The following ZC3H14 variants were observed in gnomAD, a reference collection of about 807,000 sequenced individuals.
ZC3H14 encodes zinc finger CCCH domain-containing protein 14.
In ZC3H14, 31 loss-of-function variants were observed where a neutral mutation model predicts 92.4. The observed-to-expected ratio is 0.34, with a 90% CI of 0.25 to 0.45. The LOEUF is 0.45. ZC3H14 is among the 20% of genes least tolerant of loss of function. The pLI is 1.00. For synonymous variants in ZC3H14, 321 were observed against 300.9 expected (o/e 1.07, Z -0.69); for missense variants, 781 against 897.3 (o/e 0.87, Z 1.66).
chr14:88,600,148 C>A (rs1032792131), intron 10 of ZC3H14, among the ~76,000 whole-genome samples: 5 of 152,210 alleles, frequency 3.3e-5, no homozygotes, highest in Admixed American at 2.0e-4. Flanking sequence ...TGCTCTTTTT[C>A]TTTTGCTAAG....
chr14:88,571,955 T>A (rs1334334847), intron 4 of ZC3H14, 75 bp from the exon 5 acceptor site: 7 of 1,225,352 alleles, frequency 5.7e-6, no homozygotes, highest in Non-Finnish European at 7.7e-6. Flanking sequence ...AGAGCGAGAC[T>A]CCATCTCAAA....
chr14:88,607,326 G>A lies in ZC3H14; in HGVS notation c.1831G>A (p.Asp611Asn), dbSNP rs1228442760. The A allele has an allele frequency of 4.3e-6, 7 of 1,613,618 alleles. No individual in the cohort carries two copies. The highest frequency in any genetic ancestry group is 5.9e-6 in the Non-Finnish European group (7 of 1,179,882). Residue 611 changes from aspartate (D) to asparagine (N), a missense_variant, in exon 13 of 17, where the codon GAT (aspartate) becomes AAT (asparagine). Asp to Asn is a conservative substitution (Grantham distance 23, BLOSUM62 1). Coordinates refer to ENST00000251038, the MANE Select transcript of ZC3H14 (RefSeq NM_024824.5). The part of the protein sequence containing the change: ...CKYWPACKNG[D>N]ECAYHHPISP... Reference sequence around the variant, plus strand: ...GTACTGGCCTGCTTGTAAAAATGGGGATGAGTGTGCCTACCATCACCCCAT... The same window carrying A: ...GTACTGGCCTGCTTGTAAAAATGGGAATGAGTGTGCCTACCATCACCCCAT...
chr14:88,572,295 A>G (rs887850109), intron 5 of ZC3H14, 70 bp downstream of exon 5: 7 of 1,546,016 alleles, frequency 4.5e-6, no homozygotes, highest in South Asian at 1.2e-5. Context: ...TAGTTTTTAT[A>G]TCTTTCAGTT....
In ZC3H14 at chr14:88,594,880, GAAATT is replaced by G. The variant is rs773521338; in HGVS notation, c.1280-1850_1280-1846del. ...AAGGAAAATATCAGCTGATATCAAT[GAAATT>G]AAAGGAATGAAAGCAGCTATTTTGA... On this transcript the variant is annotated intron_variant, in intron 9 of 16. Transcript: ENST00000251038. 1.9e-5 allele frequency: 30 copies of G among 1,613,834 alleles called. No homozygotes were observed. The South Asian group carries it at 3.0e-4, about 16-fold the overall frequency.
chr14:88,567,421 C>CTTT (rs75032234), intron 2 of ZC3H14, among the ~76,000 whole-genome samples: 1 of 128,706 alleles, frequency 7.8e-6, no homozygotes. Context: ...GGCCTTTTTT[C>CTTT]TTTTTTTTTT....
intron 9 of ZC3H14, chr14:88,591,390 A>T (rs2083111502): frequency 6.6e-6 from 1 of 152,264 alleles, no homozygotes; most frequent in Non-Finnish European, 1.5e-5. Context: ...GTGAGCCAAG[A>T]TTGCGCCACT....
In ZC3H14 at chr14:88,602,819, G is replaced by A. The variant is rs375681514; in HGVS notation, c.1515-9G>A. 25 of 1,613,640 alleles carry A rather than the reference G, an allele frequency of 1.5e-5. No individual in the cohort carries two copies. The highest frequency in any genetic ancestry group is 2.0e-5 in the Non-Finnish European group (24 of 1,179,794). The stretch of plus-strand genomic sequence containing the variant: ...CCTAATTCTATGGTATTTTTTATCT[G>A]TCTGGCAGAGATCTTGTACAACCAG... On this transcript the variant is annotated splice_polypyrimidine_tract_variant and intron_variant, in intron 11 of 16. Coordinates refer to ENST00000251038, the MANE Select transcript of ZC3H14 (RefSeq NM_024824.5).
chr14:88,583,508 A>G (rs926310779), intron 9 of ZC3H14, among the ~76,000 whole-genome samples: 4 of 152,196 alleles, frequency 2.6e-5, no homozygotes, highest in East Asian at 3.8e-4. Context: ...AGAAGAATAC[A>G]TATGACAGGT....
In ZC3H14 at chr14:88,622,764, A is replaced by G. The variant is rs375050237; in HGVS notation, c.*11013A>G. On this transcript the variant is annotated 3_prime_UTR_variant, in exon 17 of 17. Coordinates refer to ENST00000251038, the MANE Select transcript of ZC3H14 (RefSeq NM_024824.5). ...GAGTAAGTGTTCATTATTGGCTACT[A>G]TAATTTTTATTATAAACAAATACCA... 8 of 1,351,132 alleles carry G rather than the reference A, an allele frequency of 5.9e-6. No individual in the cohort carries two copies. The African/African-American group carries it at 5.9e-5, about 10-fold the overall frequency. The allele number at this position is 1,351,132 out of a possible 1,614,324, so 83.7% of individuals were successfully genotyped here.
rs2087477372 is a variant in ZC3H14 at position 88,615,652 on chromosome 14, G to A, written c.*3901G>A. 1.6e-6 allele frequency: 1 copy of A among 624,550 alleles called. No homozygotes were observed. 38.7% of individuals were successfully genotyped at this position (624,550 alleles called of 1,614,324 possible). A position where few individuals can be genotyped will look rare whatever the true frequency, so the allele number is the denominator to read the frequency against. ...TTACGGATTATACCCAGTGCATATAGCAAATATTTTGAACAGATCAGTCTT... is the reference window on the plus strand; with the variant it reads ...TTACGGATTATACCCAGTGCATATAACAAATATTTTGAACAGATCAGTCTT... On this transcript the variant is annotated 3_prime_UTR_variant, in exon 17 of 17. Transcript: ENST00000251038.
chr14:88,584,949 TAA>T (rs568654901), intron 9 of ZC3H14, among the ~76,000 whole-genome samples: 1 of 147,266 alleles, frequency 6.8e-6, no homozygotes, highest in Non-Finnish European at 1.5e-5. Context: ...GAACCATGGT[TAA>T]AAAAAAAAGA....
chr14:88,578,781 G>GTTTTTTTTTTTTTT lies in ZC3H14; in HGVS notation c.1279+652_1279+665dup, dbSNP rs35101368. Among the ~76,000 whole-genome samples the GTTTTTTTTTTTTTT allele has an allele frequency of 1.5e-3, 114 of 76,872 alleles. 1 individual carries two copies. Among genetic ancestry groups the GTTTTTTTTTTTTTT allele is most frequent in the Non-Finnish European group, 1.7e-3 (74 of 42,556 alleles). The allele number at this position is 76,872 out of a possible 152,430, so 50.4% of individuals were successfully genotyped here. A position where few individuals can be genotyped will look rare whatever the true frequency, so the allele number is the denominator to read the frequency against. ...CTAACATACTTCAGTTTGCTTCCAG[G>GTTTTTTTTTTTTTT]TTTTTTTTTTTTTTTTTTTTTTTTG... On this transcript the variant is annotated intron_variant, in intron 9 of 16. Transcript: ENST00000251038.
At chr14:88,594,420 A>C in intron 9 of ZC3H14, 1 of 1,180,542 alleles carries the variant, frequency 8.5e-7, no homozygotes, top group South Asian at 2.1e-5. Context: ...AAGAGGAGCT[A>C]TACAGATGGT....
chr14:88,593,119 C>T (rs1353117003), intron 9 of ZC3H14, among the ~76,000 whole-genome samples: 1 of 152,052 alleles, frequency 6.6e-6, no homozygotes, highest in Non-Finnish European at 1.5e-5. Flanking sequence ...AGGCGTGCGC[C>T]ACCACACCTG....
At chr14:88,567,516 ATGTT>A (rs2079858440) in intron 2 of ZC3H14, among the ~76,000 whole-genome samples, 4 of 151,450 alleles carry the variant, frequency 2.6e-5, no homozygotes, top group Admixed American at 2.6e-4. Context: ...ACATTATTTA[ATGTT>A]AAAATTGATT....
At chr14:88,604,322 TTGAC>T (rs1285265490) in intron 12 of ZC3H14, among the ~76,000 whole-genome samples, 3 of 152,092 alleles carry the variant, frequency 2.0e-5, no homozygotes, top group African/African-American at 7.2e-5. Context: ...TCCCATTGCT[TTGAC>T]TGGGGACTCA....
rs955118082 is a variant in ZC3H14, at chr14:88,614,648, T to A, written c.*2897T>A. 2.0e-5 allele frequency: 3 copies of A among 152,328 alleles called. No individual in the cohort carries two copies. The highest frequency in any genetic ancestry group is 7.2e-5 in the African/African-American group (3 of 41,576). 9.4% of individuals were successfully genotyped at this position (152,328 alleles called of 1,614,324 possible). On this transcript the variant is annotated 3_prime_UTR_variant, in exon 17 of 17. Coordinates refer to ENST00000251038, the MANE Select transcript of ZC3H14 (RefSeq NM_024824.5). ...AAATAGCAGTCTACATAATTTTCAA[T>A]CTTCAGGAAACTACAGATAGGCTAG...
At chr14:88,601,891 A>G in intron 10 of ZC3H14, 33 bp from the exon 11 acceptor site, 1 of 1,612,820 alleles carries the variant, frequency 6.2e-7, no homozygotes, top group Non-Finnish European at 8.5e-7. Context: ...TATATTCAAA[A>G]GTAAACATTT....
rs1391839883 is a variant in ZC3H14 at position 88,613,961 on chromosome 14, C to A, written c.*2210C>A. On this transcript the variant is annotated 3_prime_UTR_variant, in exon 17 of 17. Coordinates refer to ENST00000251038, the MANE Select transcript of ZC3H14 (RefSeq NM_024824.5). ...ATATGACCTTTAGTCGTGAAACTGACAGCAGCAGTGATTAAGGCTGACTTA... is the reference window on the plus strand; with the variant it reads ...ATATGACCTTTAGTCGTGAAACTGAAAGCAGCAGTGATTAAGGCTGACTTA... 6.6e-6 allele frequency: 1 copy of A among 152,186 alleles called. No homozygotes were observed. The highest frequency in any genetic ancestry group is 1.5e-5 in the Non-Finnish European group (1 of 68,036). 9.4% of individuals were successfully genotyped at this position (152,186 alleles called of 1,614,324 possible). A position where few individuals can be genotyped will look rare whatever the true frequency, so the allele number is the denominator to read the frequency against.
Sources: allele counts gnomAD v4.1 joint callset (sites outside exome capture counted in the v4.1 genomes callset), GRCh38; gene constraint gnomAD v4.1.1; transcripts MANE v1.5; gene names NCBI Gene and HGNC (gene_info 2026-07-23, HGNC 2026-07-21).